Variants in SPPL2A observed in about 807,000 individuals in gnomAD.
SPPL2A encodes the protein signal peptide peptidase-like 2A.
In SPPL2A, 51 loss-of-function variants were observed where a neutral mutation model predicts 63.8. The observed-to-expected ratio is 0.80, with a 90% confidence interval of 0.64 to 1.01. The LOEUF is 1.01. Ranked by LOEUF, SPPL2A falls within the 50% of genes least tolerant of loss-of-function variation. The pLI is 0.00. For missense variants in SPPL2A, 553 were observed against 622.7 expected (o/e 0.89, Z 1.19); for synonymous variants, 188 against 205.8 (o/e 0.91, Z 0.74).
intron 5 of SPPL2A, among the ~76,000 whole-genome samples, chr15:50,744,657 T>C (rs2062845030): frequency 6.6e-6 from 1 of 152,230 alleles, no homozygotes; most frequent in Non-Finnish European, 1.5e-5. Context: ...AATACAGACA[T>C]GCTTTAAAGT....
At chr15:50,753,786 T>C (rs2062929651) in intron 1 of SPPL2A, among the ~76,000 whole-genome samples, 1 of 151,416 alleles carries the variant, frequency 6.6e-6, no homozygotes. Flanking sequence ...GGACATGGAG[T>C]TTCTTTCTCT....
At chr15:50,743,221 G>C (rs1430543152) in intron 5 of SPPL2A, 1 of 152,128 alleles carries the variant, frequency 6.6e-6, no homozygotes, top group Admixed American at 6.6e-5. Context: ...CAGTGAGCCG[G>C]GGTCTCACCA....
At position 50,703,384 on chromosome 15, in the gene SPPL2A, A is replaced by C. The variant is rs2062490883; in HGVS notation, c.*4416T>G. 1 of 64,588 alleles carries C rather than the reference A, an allele frequency of 1.5e-5. No individual in the cohort carries two copies. The highest frequency in any genetic ancestry group is 2.8e-5 in the Non-Finnish European group (1 of 36,356). 4.0% of individuals were successfully genotyped at this position (64,588 alleles called of 1,614,324 possible). On this transcript the variant is annotated 3_prime_UTR_variant, in exon 15 of 15. Coordinates refer to ENST00000261854, the MANE Select transcript of SPPL2A (RefSeq NM_032802.4). ...TTTTTTTTTTTTTTTTTTTTTTGAG[A>C]TGGAGTCTCGCTCTGTCGCCCAGGC... is the stretch of plus-strand genomic sequence containing the variant.
intron 2 of SPPL2A, among the ~76,000 whole-genome samples, 179 bp from the exon 3 acceptor site, chr15:50,749,049 C>A (rs1255197092): frequency 1.3e-5 from 2 of 152,130 alleles, no homozygotes; most frequent in Non-Finnish European, 2.9e-5. Context: ...GAGAAAAATA[C>A]TTGAGAAAAA....
intron 14 of SPPL2A, among the ~76,000 whole-genome samples, chr15:50,709,745 G>C (rs554136603): frequency 1.3e-4 from 19 of 151,896 alleles, no homozygotes; most frequent in African/African-American, 4.6e-4. Flanking sequence ...ACCCAAGATC[G>C]CGCCACTGCA....
In SPPL2A at chr15:50,703,352, ATATATTTTTTT is replaced by A. The variant is rs1227360739; in HGVS notation, c.*4437_*4447del. ...TATATATATATATATATATACATAT[ATATATTTTTTT>A]TTTTTTTTTTTTTTTTTGAGATGGA... On this transcript the variant is annotated 3_prime_UTR_variant, in exon 15 of 15. Coordinates refer to ENST00000261854, the MANE Select transcript of SPPL2A (RefSeq NM_032802.4). 1 of 63,388 alleles carries A rather than the reference ATATATTTTTTT, an allele frequency of 1.6e-5. No homozygotes were observed. The highest frequency in any genetic ancestry group is 6.3e-5 in the African/African-American group (1 of 15,836). 3.9% of individuals were successfully genotyped at this position (63,388 alleles called of 1,614,324 possible).
At chr15:50,709,832 AC>A (rs1411477847) in intron 14 of SPPL2A, among the ~76,000 whole-genome samples, 1 of 151,912 alleles carries the variant, frequency 6.6e-6, no homozygotes, top group South Asian at 2.1e-4. Context: ...ACCTGCTGAT[AC>A]TCTACAAGCC....
chr15:50,714,264 T>G (rs1378033489), intron 14 of SPPL2A, among the ~76,000 whole-genome samples: 4 of 152,228 alleles, frequency 2.6e-5, no homozygotes, highest in African/African-American at 9.6e-5. Context: ...TCTGCCCTCC[T>G]GGGGCTATTA....
rs1301303323 is a variant in SPPL2A at position 50,732,612 on chromosome 15, G to A, written c.1005C>T (p.Pro335=). The change falls in exon 9 of 15, where the codon CCC becomes CCT. Residue 335 remains proline, a synonymous_variant. Coordinates refer to ENST00000261854, the MANE Select transcript of SPPL2A (RefSeq NM_032802.4). ...GTATTGTATACATTACCTTGAAGTT[G>A]GGCAACTTCAGTGTTTTAATTAAAT... ...CLNLIKTLKL[P]NFKSCVILLG... The A allele has an allele frequency of 1.3e-6, 2 of 1,593,388 alleles. No homozygotes were observed. The highest frequency in any genetic ancestry group is 1.7e-6 in the Non-Finnish European group (2 of 1,162,570).
intron 1 of SPPL2A, among the ~76,000 whole-genome samples, chr15:50,762,867 G>A (rs2063024510): frequency 6.6e-6 from 1 of 151,720 alleles, no homozygotes; most frequent in African/African-American, 2.4e-5. Context: ...CAAGTAGCTG[G>A]GATAACAGGC....
chr15:50,744,860 G>A (rs1292487145), intron 5 of SPPL2A, among the ~76,000 whole-genome samples: 5 of 152,160 alleles, frequency 3.3e-5, no homozygotes, highest in Non-Finnish European at 7.4e-5. Flanking sequence ...GGCTATGGGG[G>A]CAGTAGGGTT....
rs2141012259 is a variant in SPPL2A at position 50,704,307 on chromosome 15, A to C, written c.*3493T>G. On this transcript the variant is annotated 3_prime_UTR_variant, in exon 15 of 15. Transcript: ENST00000261854. The stretch of plus-strand genomic sequence containing the variant: ...CAGTGAGCTGATATCATGCCATTGC[A>C]CTCCAGCCTGGGCAAAAAGAGCGAA... 1.4e-5 allele frequency: 2 copies of C among 143,356 alleles called. No homozygotes were observed. Among genetic ancestry groups the C allele is most frequent in the Non-Finnish European group, 3.0e-5 (2 of 66,706 alleles). The allele number at this position is 143,356 out of a possible 1,614,324, so 8.9% of individuals were successfully genotyped here.
At chr15:50,744,015 A>T (rs1596391939) in intron 5 of SPPL2A, among the ~76,000 whole-genome samples, 1 of 151,894 alleles carries the variant, frequency 6.6e-6, no homozygotes, top group East Asian at 1.9e-4. Flanking sequence ...TCTCTACTAA[A>T]AAAAATACAA....
At position 50,748,881 on chromosome 15, in the gene SPPL2A, G is replaced by A. The variant is rs899273812; in HGVS notation, c.178-11C>T. ...CAAACTAATGGAAGTCTGAAAATAA[G>A]AAATGTCTTTTTAACATGTTAAAAA... On this transcript the variant is annotated splice_polypyrimidine_tract_variant and intron_variant, in intron 2 of 14. Transcript: ENST00000261854. 6.5e-7 allele frequency: 1 copy of A among 1,539,894 alleles called. No individual in the cohort carries two copies. Among genetic ancestry groups the A allele is most frequent in the South Asian group, 1.2e-5 (1 of 82,672 alleles).
chr15:50,747,515 G>C lies in SPPL2A; in HGVS notation c.564C>G (p.Tyr188Ter). Residue 188 changes from tyrosine to a stop codon, truncating the protein, a stop_gained, in exon 5 of 15, where the codon TAC (tyrosine) becomes TAG (stop). Coordinates refer to ENST00000261854, the MANE Select transcript of SPPL2A (RefSeq NM_032802.4). LOFTEE classifies it high-confidence loss of function. ...CTTACAATTCAACTAGTCCACTCCA[G>C]TATCCACCTAATGCCACAGTGAACA... The part of the protein sequence containing the change: ...IAVFTVALGG[Y>*]WSGLVELENL... 1 of 1,611,010 alleles carries C rather than the reference G, an allele frequency of 6.2e-7. No individual in the cohort carries two copies. Among genetic ancestry groups the C allele is most frequent in the Non-Finnish European group, 8.5e-7 (1 of 1,178,944 alleles).
At chr15:50,708,607 G>A (rs1234729485) in intron 14 of SPPL2A, among the ~76,000 whole-genome samples, 3 of 151,550 alleles carry the variant, frequency 2.0e-5, no homozygotes, top group South Asian at 4.2e-4. Context: ...TCGGGAGGCT[G>A]AGGCAGGAGA....
chr15:50,736,086 A>AT lies in SPPL2A; in HGVS notation c.932+14dup. On this transcript the variant is annotated intron_variant, in intron 8 of 14. Coordinates refer to ENST00000261854, the MANE Select transcript of SPPL2A (RefSeq NM_032802.4). Reference sequence around the variant, plus strand: ...TCATCCTTAATCTAAAAGCAAATACATTGAGTATTCATACCTGTCTTCATT... The same window carrying AT: ...TCATCCTTAATCTAAAAGCAAATACATTTGAGTATTCATACCTGTCTTCATT... 7 of 1,443,390 alleles carry AT rather than the reference A, an allele frequency of 4.8e-6. No individual in the cohort carries two copies. Among genetic ancestry groups the AT allele is most frequent in the Non-Finnish European group, 6.8e-6 (7 of 1,026,754 alleles). 89.4% of individuals were successfully genotyped at this position (1,443,390 alleles called of 1,614,324 possible). A position where few individuals can be genotyped will look rare whatever the true frequency, so the allele number is the denominator to read the frequency against.
chr15:50,740,417 A>G, intron 5 of SPPL2A, among the ~76,000 whole-genome samples: 2 of 146,030 alleles, frequency 1.4e-5, no homozygotes, highest in Admixed American at 1.4e-4. Context: ...ACAAGAGCGA[A>G]ACTCCGTCTC....
chr15:50,761,065 A>G (rs2063006753), intron 1 of SPPL2A, among the ~76,000 whole-genome samples: 1 of 152,028 alleles, frequency 6.6e-6, no homozygotes, highest in Non-Finnish European at 1.5e-5. Context: ...GCTGGAGTAC[A>G]GTGGCGTGAT....
Sources: gnomAD v4.1 joint callset for allele counts (sites outside exome capture counted in the v4.1 genomes callset) on GRCh38, gnomAD v4.1.1 for gene constraint, MANE v1.5 for transcripts, NCBI Gene and HGNC (gene_info 2026-07-23, HGNC 2026-07-21) for gene names.